Variants in DNAH11 observed in about 807,000 individuals in gnomAD.
DNAH11 encodes axonemal beta dynein heavy chain 11.
In DNAH11, 442 loss-of-function variants were observed where a neutral mutation model predicts 526.0. The observed-to-expected ratio is 0.84, with a 90% CI of 0.78 to 0.91. DNAH11 has a LOEUF of 0.91. Ranked by LOEUF, DNAH11 falls within the 40% of genes least tolerant of loss-of-function variation. The pLI, the probability that DNAH11 is intolerant of heterozygous loss-of-function variation, is 0.00. For synonymous variants in DNAH11, 2,461 were observed against 1,935.9 expected, an observed-to-expected ratio of 1.27 and a Z score of -7.12; for missense variants, 6,989 against 5,448.7, an observed-to-expected ratio of 1.28 and a Z score of -8.90.
intron 43 of DNAH11, 134 bp downstream of exon 43, chr7:21,718,059 T>G: frequency 8.0e-7 from 1 of 1,250,770 alleles, no homozygotes; most frequent in Non-Finnish European, 1.1e-6. Context: ...GCAACCCTCT[T>G]GCCCCCGCCC....
chr7:21,694,566 G>T (rs578175889), intron 35 of DNAH11, among the ~76,000 whole-genome samples: 1 of 152,246 alleles, frequency 6.6e-6, no homozygotes, highest in East Asian at 1.9e-4. Flanking sequence ...TCCATGGTGT[G>T]TATGTGCCAC....
chr7:21,751,638 A>C (rs1786416243), intron 54 of DNAH11, among the ~76,000 whole-genome samples: 2 of 152,196 alleles, frequency 1.3e-5, no homozygotes, highest in Admixed American at 6.5e-5. Flanking sequence ...GGAGTATTTA[A>C]GGATAGGAGA....
chr7:21,790,177 T>C (rs1223067934), intron 61 of DNAH11, among the ~76,000 whole-genome samples: 1 of 152,252 alleles, frequency 6.6e-6, no homozygotes, highest in South Asian at 2.1e-4. Flanking sequence ...CTCGGCGCAG[T>C]GGCTCACACC....
intron 80 of DNAH11, 53 bp from the exon 81 acceptor site, chr7:21,899,927 G>T: frequency 3.1e-6 from 5 of 1,593,054 alleles, no homozygotes; most frequent in Non-Finnish European, 2.6e-6. Flanking sequence ...TAGCTCCCGG[G>T]AACCTTACAT....
At chr7:21,725,703 G>A in intron 44 of DNAH11, 108 bp from the exon 45 acceptor site, 1 of 1,128,058 alleles carries the variant, frequency 8.9e-7, no homozygotes, top group East Asian at 2.6e-5. Flanking sequence ...TGGGTATATG[G>A]CAATTTTAGG....
At chr7:21,699,932 T>C (rs1420305831) in intron 36 of DNAH11, among the ~76,000 whole-genome samples, 1 of 152,172 alleles carries the variant, frequency 6.6e-6, no homozygotes, top group Non-Finnish European at 1.5e-5. Context: ...TTTAGGTAAT[T>C]CAGTTTACAT....
Position 21,601,131 on chromosome 7 carries a change from A to G in DNAH11, c.3377A>G (p.Lys1126Arg), listed in dbSNP as rs1465349239. 2 of 1,609,458 alleles carry G rather than the reference A, an allele frequency of 1.2e-6. No homozygotes were observed. The highest frequency in any genetic ancestry group is 2.2e-5 in the South Asian group (2 of 89,162). ...GTGAGCTTGTTAACCATAATTAAGA[A>G]ATGGAGCTGGATGTTTCAGGAGCAT... ...FKVSLLTIIK[K>R]WSWMFQEHLL... Residue 1126 changes from lysine (K) to arginine (R), a missense_variant, in exon 17 of 82, where the codon AAA becomes AGA. Transcript: ENST00000409508.
chr7:21,805,653 A>C (rs918420132), intron 62 of DNAH11, among the ~76,000 whole-genome samples: 6 of 152,170 alleles, frequency 3.9e-5, no homozygotes, highest in Non-Finnish European at 8.8e-5. Flanking sequence ...TAGTTACAGA[A>C]TGTCTGAAAG....
intron 31 of DNAH11, among the ~76,000 whole-genome samples, 167 bp from the exon 32 acceptor site, chr7:21,683,617 T>TATTA (rs1359128712): frequency 6.6e-6 from 1 of 152,244 alleles, no homozygotes; most frequent in Non-Finnish European, 1.5e-5. Context: ...GCATATTTCT[T>TATTA]ATTAAGTATT....
At chr7:21,886,662 G>GCTCCCGCAGGCAGTCC (rs60857357) in intron 76 of DNAH11, among the ~76,000 whole-genome samples, 8 of 149,838 alleles carry the variant, frequency 5.3e-5, no homozygotes, top group Non-Finnish European at 8.8e-5. Context: ...CCCGCGAGGA[G>GCTCCCGCAGGCAGTCC]CTCCCCTAGC....
intron 2 of DNAH11, among the ~76,000 whole-genome samples, chr7:21,550,127 C>CTT (rs55646294): frequency 6.6e-6 from 1 of 151,744 alleles, no homozygotes; most frequent in Non-Finnish European, 1.5e-5. Flanking sequence ...TTACATTCGT[C>CTT]TTTTTTTCTC....
At chr7:21,816,772 G>T in intron 64 of DNAH11, 70 bp downstream of exon 64, 1 of 1,296,196 alleles carries the variant, frequency 7.7e-7, no homozygotes, top group South Asian at 1.3e-5. Flanking sequence ...TTATAAAGGC[G>T]TGATGTTTCT....
chr7:21,793,110 C>T (rs947384280), intron 61 of DNAH11, among the ~76,000 whole-genome samples: 6 of 152,156 alleles, frequency 3.9e-5, no homozygotes, highest in Admixed American at 3.9e-4. Context: ...TTTTAAATTT[C>T]CTTCTTAATG....
intron 38 of DNAH11, 22 bp downstream of exon 38, chr7:21,704,650 C>G: frequency 6.3e-7 from 1 of 1,581,238 alleles, no homozygotes; most frequent in Non-Finnish European, 8.5e-7. Context: ...ATTTGCTTTT[C>G]ATGGCAGCTG....
intron 30 of DNAH11, among the ~76,000 whole-genome samples, chr7:21,680,927 A>G (rs1050424728): frequency 5.9e-5 from 9 of 152,164 alleles, no homozygotes; most frequent in African/African-American, 2.2e-4. Flanking sequence ...GCCTTTCAAG[A>G]TTTGTAGTCA....
chr7:21,761,989 G>T (rs1285748684), intron 54 of DNAH11, among the ~76,000 whole-genome samples: 2 of 152,162 alleles, frequency 1.3e-5, no homozygotes, highest in African/African-American at 4.8e-5. Context: ...ATGGCAGAAG[G>T]GAAAGCAAGT....
intron 2 of DNAH11, among the ~76,000 whole-genome samples, chr7:21,552,106 C>A (rs1223273179): frequency 1.3e-5 from 2 of 152,078 alleles, no homozygotes; most frequent in African/African-American, 4.8e-5. Context: ...GTTCCCTCTT[C>A]CCTCCCCAGG....
intron 27 of DNAH11, among the ~76,000 whole-genome samples, chr7:21,638,001 A>T (rs933975951): frequency 1.3e-5 from 2 of 150,240 alleles, no homozygotes; most frequent in East Asian, 1.9e-4. Flanking sequence ...TCCTCAGACT[A>T]TCCTGTAAAT....
intron 66 of DNAH11, among the ~76,000 whole-genome samples, chr7:21,846,745 C>G (rs1782436640): frequency 1.3e-5 from 2 of 152,056 alleles, no homozygotes; most frequent in African/African-American, 2.4e-5. Context: ...AGGAAATGTT[C>G]CCTCTGCTTC....
Sources: allele counts gnomAD v4.1 joint callset (sites outside exome capture counted in the v4.1 genomes callset), GRCh38; gene constraint gnomAD v4.1.1; transcripts MANE v1.5; gene names NCBI Gene and HGNC (gene_info 2026-07-23, HGNC 2026-07-21).